The following GNL3L variants were observed in gnomAD, a reference collection of about 807,000 sequenced individuals.
GNL3L encodes the protein G protein nucleolar 3 like.
GNL3L carries 4 observed loss-of-function variants against 42.9 expected under a neutral mutation model. The observed-to-expected ratio is 0.09, with a 90% CI of 0.05 to 0.21. GNL3L has a LOEUF of 0.21. Ranked by LOEUF, GNL3L falls within the 10% of genes least tolerant of loss-of-function variation. The pLI, the probability that GNL3L is intolerant of heterozygous loss-of-function variation, is 1.00. For missense variants in GNL3L, 412 were observed against 481.7 expected (o/e 0.86, Z 1.36); for synonymous variants, 159 against 176.3 (o/e 0.90, Z 0.78).
Position 54,565,030 on chromosome X carries a change from CG to C in GNL3L, c.*4430del, listed in dbSNP as rs1925387041. The stretch of plus-strand genomic sequence containing the variant: ...GATTATAGGCATGAACCACCGTGTC[CG>C]GCCATATATTTTCGTCTTTTGAAGA... On this transcript the variant is annotated 3_prime_UTR_variant, in exon 16 of 16. Transcript: ENST00000360845. Among the ~76,000 whole-genome samples, 1 of 110,833 alleles carries C rather than the reference CG, an allele frequency of 9.0e-6. No homozygotes were observed. The highest frequency in any genetic ancestry group is 1.9e-5 in the Non-Finnish European group (1 of 52,987).
At chrX:54,536,784 C>CAAAA (rs767387515) in intron 2 of GNL3L, among the ~76,000 whole-genome samples, 1 of 37,143 alleles carries the variant, frequency 2.7e-5, no homozygotes, top group African/African-American at 7.0e-5. Context: ...GACTTTGTCT[C>CAAAA]AAAAAAAAAA....
At chrX:54,600,325 C>T (rs921140616) in intron 16 of GNL3L, among the ~76,000 whole-genome samples, 8 of 97,464 alleles carry the variant, frequency 8.2e-5, no homozygotes, top group Non-Finnish European at 1.6e-4. Flanking sequence ...ATCCCGGGTT[C>T]AAGTGATTCT....
At chrX:54,639,146 T>A in the GNL3L span, among the ~76,000 whole-genome samples, 1 of 110,782 alleles carries the variant, frequency 9.0e-6, no homozygotes, top group Non-Finnish European at 1.9e-5. Flanking sequence ...AGGGTCTCAC[T>A]GTGTTGCCCA....
chrX:54,599,420 TTATCTATC>T (rs202201959), intron 16 of GNL3L, among the ~76,000 whole-genome samples: 1 of 110,501 alleles, frequency 9.0e-6, no homozygotes, highest in African/African-American at 3.3e-5. Context: ...ATACAGGAAA[TTATCTATC>T]TATCTATCTA....
intron 16 of GNL3L, among the ~76,000 whole-genome samples, chrX:54,575,993 G>A (rs1186067068): frequency 8.9e-6 from 1 of 112,279 alleles, no homozygotes; most frequent in African/African-American, 3.2e-5. Flanking sequence ...TGAGGAAAAT[G>A]TATATTCTGC....
At chrX:54,617,710 A>G (rs1926236220) in intron 16 of GNL3L, among the ~76,000 whole-genome samples, 1 of 111,797 alleles carries the variant, frequency 8.9e-6, no homozygotes, top group East Asian at 2.8e-4. Flanking sequence ...CCTTTATGAA[A>G]GAGGCCTGAA....
intron 14 of GNL3L, among the ~76,000 whole-genome samples, chrX:54,555,383 C>T (rs965635189): frequency 1.4e-4 from 16 of 110,899 alleles, no homozygotes; most frequent in African/African-American, 5.3e-4. Context: ...ACAAGCTTTT[C>T]ATCCTTTTCA....
intron 16 of GNL3L, among the ~76,000 whole-genome samples, chrX:54,578,280 G>C (rs1379379012): frequency 9.0e-6 from 1 of 111,537 alleles, no homozygotes; most frequent in Non-Finnish European, 1.9e-5. Flanking sequence ...ATGAAATTCT[G>C]CTGGGATTTT....
At chrX:54,572,789 C>G (rs1475012500) in intron 16 of GNL3L, among the ~76,000 whole-genome samples, 111 of 108,178 alleles carry the variant, frequency 1.0e-3, no homozygotes, top group Non-Finnish European at 1.4e-3. Flanking sequence ...ACTTCTCAGA[C>G]GGGGCAGCTG....
chrX:54,581,155 C>T (rs1377496586), intron 16 of GNL3L, among the ~76,000 whole-genome samples: 3 of 112,155 alleles, frequency 2.7e-5, no homozygotes, highest in Admixed American at 9.5e-5. Flanking sequence ...CCAGTTTCCC[C>T]CAATGGTAAC....
Position 54,563,923 on chromosome X carries a change from T to C in GNL3L, c.*3321T>C, listed in dbSNP as rs1040581465. The stretch of plus-strand genomic sequence containing the variant: ...TTTTCAAAACAATTAGGGTACAATT[T>C]ACATATAGTAAAGTTCACTCTTTAT... On this transcript the variant is annotated 3_prime_UTR_variant, in exon 16 of 16. Transcript: ENST00000360845. Among the ~76,000 whole-genome samples, 2 of 111,959 alleles carry C rather than the reference T, an allele frequency of 1.8e-5. No homozygotes were observed. Among genetic ancestry groups the C allele is most frequent in the Admixed American group, 9.5e-5 (1 of 10,506 alleles).
intron 16 of GNL3L, among the ~76,000 whole-genome samples, chrX:54,588,390 A>G (rs960889911): frequency 8.9e-6 from 1 of 112,302 alleles, no homozygotes; most frequent in Admixed American, 9.4e-5. Flanking sequence ...TCCATCTATT[A>G]CTATTTTTTC....
At chrX:54,550,333 G>T (rs1924899403) in intron 9 of GNL3L, among the ~76,000 whole-genome samples, 1 of 110,083 alleles carries the variant, frequency 9.1e-6, no homozygotes, top group African/African-American at 3.3e-5. Context: ...TGCACGAGAG[G>T]TATACTTAGA....
At chrX:54,597,201 T>C (rs1024435534) in intron 16 of GNL3L, among the ~76,000 whole-genome samples, 1 of 111,237 alleles carries the variant, frequency 9.0e-6, no homozygotes, top group Non-Finnish European at 1.9e-5. Context: ...ACTGACATAG[T>C]ATCTGGGCAT....
rs767180265 is a variant in GNL3L at position 54,540,117 on chromosome X, C to G, written c.82-18C>G. The G allele has an allele frequency of 3.6e-5, 40 of 1,100,576 alleles. No individual in the cohort carries two copies. Among genetic ancestry groups the G allele is most frequent in the Non-Finnish European group, 5.0e-5 (40 of 799,846 alleles). The allele number at this position is 1,100,576 out of a possible 1,213,427, so 90.7% of individuals were successfully genotyped here. A position where few individuals can be genotyped will look rare whatever the true frequency, so the allele number is the denominator to read the frequency against. The stretch of plus-strand genomic sequence containing the variant: ...TGGGTTCATTACCTCTGTTTTTTTT[C>G]TCTTATGTGGTGGCCAGCCTGCAAA... On this transcript the variant is annotated intron_variant, in intron 3 of 15. Transcript: ENST00000360845.
At chrX:54,571,154 A>G (rs1452453253), downstream of GNL3L, among the ~76,000 whole-genome samples, 2 of 107,478 alleles carry the variant, frequency 1.9e-5, no homozygotes, top group Non-Finnish European at 3.8e-5. Flanking sequence ...GCATTGTTTC[A>G]TGCTCTTCTC....
chrX:54,602,245 G>C (rs990388549), intron 16 of GNL3L, among the ~76,000 whole-genome samples: 1 of 111,665 alleles, frequency 9.0e-6, no homozygotes, highest in African/African-American at 3.3e-5. Context: ...ACCAGCACTC[G>C]ATATTGTTAT....
intron 6 of GNL3L, 50 bp downstream of exon 6, chrX:54,543,088 C>A: frequency 9.3e-7 from 1 of 1,072,593 alleles, no homozygotes; most frequent in East Asian, 3.0e-5. Flanking sequence ...CCAGTCCAGC[C>A]CCTTTTCCTC....
At chrX:54,556,783 T>A (rs1431904433) in intron 14 of GNL3L, among the ~76,000 whole-genome samples, 1 of 111,782 alleles carries the variant, frequency 8.9e-6, no homozygotes, top group Non-Finnish European at 1.9e-5. Flanking sequence ...ACCACTATCA[T>A]CCCTAACCTC....
Sources: gnomAD v4.1 joint callset for allele counts (sites outside exome capture counted in the v4.1 genomes callset) on GRCh38, gnomAD v4.1.1 for gene constraint, MANE v1.5 for transcripts, NCBI Gene and HGNC (gene_info 2026-07-23, HGNC 2026-07-21) for gene names.